RPS6KC1: variants seen among roughly 807,000 people sequenced by gnomAD.
The protein encoded by RPS6KC1 is inactive ribosomal protein S6 kinase delta-1.
Under a neutral mutation model 103.8 loss-of-function variants are expected in RPS6KC1, and 54 were observed. The observed-to-expected ratio is 0.52, with a 90% CI of 0.42 to 0.65. RPS6KC1 has a LOEUF of 0.65. RPS6KC1 is among the 30% of genes least tolerant of loss of function. RPS6KC1 has a pLI of 0.00. For missense variants in RPS6KC1, 1,151 were observed against 1,253.8 expected, an observed-to-expected ratio of 0.92 and a Z score of 1.24; for synonymous variants, 439 against 438.7, an observed-to-expected ratio of 1.00 and a Z score of -0.01.
At chr1:213,486,667 C>A in the RPS6KC1 span, among the ~76,000 whole-genome samples, 1 of 152,096 alleles carries the variant, frequency 6.6e-6, no homozygotes, top group African/African-American at 2.4e-5. Context: ...GTGATGACAT[C>A]ATAAGAGGCC....
the RPS6KC1 span, among the ~76,000 whole-genome samples, chr1:213,656,461 A>C: frequency 1.6e-4 from 24 of 152,252 alleles, no homozygotes; most frequent in African/African-American, 5.5e-4. Context: ...TTACAACAGC[A>C]GTGGAGACAG....
At chr1:213,606,904 T>C in the RPS6KC1 span, among the ~76,000 whole-genome samples, 1 of 152,220 alleles carries the variant, frequency 6.6e-6, no homozygotes, top group Non-Finnish European at 1.5e-5. Context: ...AGACACCTTG[T>C]GTATAATCTC....
At chr1:213,199,420 A>T (rs992473869) in intron 8 of RPS6KC1, among the ~76,000 whole-genome samples, 1 of 152,258 alleles carries the variant, frequency 6.6e-6, no homozygotes, top group African/African-American at 2.4e-5. Context: ...CAATACATGC[A>T]GAAAATGCTT....
chr1:213,750,193 A>G, the RPS6KC1 span, among the ~76,000 whole-genome samples: 3 of 152,346 alleles, frequency 2.0e-5, no homozygotes, highest in Non-Finnish European at 4.4e-5. Context: ...TCATGGTTAC[A>G]AGGAACCACA....
At chr1:213,243,774 A>T (rs986480871) in intron 12 of RPS6KC1, among the ~76,000 whole-genome samples, 1 of 151,960 alleles carries the variant, frequency 6.6e-6, no homozygotes, top group Non-Finnish European at 1.5e-5. Context: ...TTTTTTTTTG[A>T]TATAGTCTGC....
In RPS6KC1 at chr1:213,260,441, G is replaced by C. The variant is rs186056045; in HGVS notation, c.2912-1117G>C. ...AGGAATGGCTCTTTTTCTTTTTCTGGTCCGTATGACTTTTGCTTTAAGACT... is the reference window on the plus strand; with the variant it reads ...AGGAATGGCTCTTTTTCTTTTTCTGCTCCGTATGACTTTTGCTTTAAGACT... On this transcript the variant is annotated intron_variant, in intron 12 of 14. Coordinates refer to ENST00000366960, the MANE Select transcript of RPS6KC1 (RefSeq NM_012424.6). Among the ~76,000 whole-genome samples, 24 of 152,202 alleles carry C rather than the reference G, an allele frequency of 1.6e-4. No homozygotes were observed. In the East Asian group the frequency reaches 4.4e-3, roughly 28 times the overall value.
chr1:213,598,740 A>G, the RPS6KC1 span, among the ~76,000 whole-genome samples: 4 of 152,212 alleles, frequency 2.6e-5, no homozygotes, highest in South Asian at 8.3e-4. Context: ...CAACATGATG[A>G]AACCCCGTCT....
the RPS6KC1 span, among the ~76,000 whole-genome samples, chr1:213,321,945 C>G: frequency 6.6e-6 from 1 of 152,126 alleles, no homozygotes; most frequent in African/African-American, 2.4e-5. Context: ...TGCTGAGGGC[C>G]TCAAGGAGGC....
At chr1:213,085,694 T>A (rs2080328326) in intron 3 of RPS6KC1, among the ~76,000 whole-genome samples, 1 of 152,038 alleles carries the variant, frequency 6.6e-6, no homozygotes, top group African/African-American at 2.4e-5. Context: ...TACGTTTCTC[T>A]GTGTATCTAT....
chr1:213,790,308 T>C, the RPS6KC1 span, among the ~76,000 whole-genome samples: 1 of 152,216 alleles, frequency 6.6e-6, no homozygotes, highest in African/African-American at 2.4e-5. Context: ...ACTTGATCAG[T>C]TGGTTGATCT....
the RPS6KC1 span, among the ~76,000 whole-genome samples, chr1:213,533,654 C>T: frequency 2.0e-5 from 3 of 152,212 alleles, no homozygotes; most frequent in Admixed American, 6.5e-5. Context: ...GGACTACCCT[C>T]ACTTGAAAGC....
intron 8 of RPS6KC1, among the ~76,000 whole-genome samples, chr1:213,227,357 C>T (rs1464975824): frequency 6.6e-6 from 1 of 152,186 alleles, no homozygotes; most frequent in Non-Finnish European, 1.5e-5. Flanking sequence ...TGTGTGAGAA[C>T]AGTGTGTTAT....
the RPS6KC1 span, among the ~76,000 whole-genome samples, chr1:213,812,160 G>GAA: frequency 6.6e-6 from 1 of 151,864 alleles, no homozygotes; most frequent in African/African-American, 2.4e-5. Flanking sequence ...AAAAAGGAAA[G>GAA]AAAAGAGGGA....
At chr1:213,511,262 C>T in the RPS6KC1 span, among the ~76,000 whole-genome samples, 1 of 151,958 alleles carries the variant, frequency 6.6e-6, no homozygotes, top group African/African-American at 2.4e-5. Flanking sequence ...TCCTGAAAGA[C>T]TATGCAAGTG....
the RPS6KC1 span, among the ~76,000 whole-genome samples, chr1:213,811,303 G>A: frequency 4.6e-5 from 7 of 152,104 alleles, no homozygotes; most frequent in South Asian, 2.1e-4. Flanking sequence ...TGAACGTGGC[G>A]GGGCTCGCAA....
At chr1:213,151,498 C>T (rs866022345) in intron 6 of RPS6KC1, among the ~76,000 whole-genome samples, 50 of 114,134 alleles carry the variant, frequency 4.4e-4, no homozygotes, top group African/African-American at 1.2e-3. Flanking sequence ...CCCTCCCGGA[C>T]GGGGCGGCTG....
chr1:213,228,137 A>G (rs1322208506), intron 8 of RPS6KC1, among the ~76,000 whole-genome samples: 1 of 152,200 alleles, frequency 6.6e-6, no homozygotes, highest in Non-Finnish European at 1.5e-5. Flanking sequence ...CAGCAGAAGA[A>G]AGGAAGAAAG....
At chr1:213,363,533 G>A in the RPS6KC1 span, among the ~76,000 whole-genome samples, 1 of 152,084 alleles carries the variant, frequency 6.6e-6, no homozygotes, top group East Asian at 1.9e-4. Context: ...AGGCAGAAGG[G>A]GCCTGGCAGA....
chr1:213,823,187 C>T, the RPS6KC1 span, among the ~76,000 whole-genome samples: 2 of 152,184 alleles, frequency 1.3e-5, no homozygotes, highest in Non-Finnish European at 2.9e-5. Flanking sequence ...GAAAAGCTTT[C>T]ATAGACCATC....
Sources: gnomAD v4.1 joint callset for allele counts (sites outside exome capture counted in the v4.1 genomes callset) on GRCh38, gnomAD v4.1.1 for gene constraint, MANE v1.5 for transcripts, NCBI Gene and HGNC (gene_info 2026-07-23, HGNC 2026-07-21) for gene names.